Variants in NLRP7 observed in about 807,000 individuals in gnomAD.
The protein encoded by NLRP7 is NLR family pyrin domain containing 7, also known as NACHT, LRR and PYD domains-containing protein 7.
In NLRP7, 72 loss-of-function variants were observed where a neutral mutation model predicts 85.5. The ratio of observed to expected loss-of-function variants is 0.84; its 90% CI spans 0.70 to 1.02. The LOEUF (loss-of-function observed/expected upper bound fraction) is 1.02. Ranked by LOEUF, NLRP7 falls within the 50% of genes least tolerant of loss-of-function variation. NLRP7 has a pLI of 0.00. For synonymous variants in NLRP7, 550 were observed against 505.2 expected (o/e 1.09, Z -1.19); for missense variants, 1,243 against 1,219.5 (o/e 1.02, Z -0.29).
chr19:54,959,135 C>CTTTTCCTTTT (rs2069950152), intron 1 of NLRP7, among the ~76,000 whole-genome samples: 2 of 143,818 alleles, frequency 1.4e-5, no homozygotes, highest in Non-Finnish European at 1.5e-5. Flanking sequence ...TTGTTTTTTT[C>CTTTTCCTTTT]TTTTTCTTTT....
At chr19:54,941,851 G>A (rs2069244384) in intron 1 of NLRP7, 101 bp from the exon 2 acceptor site, 3 of 884,862 alleles carry the variant, frequency 3.4e-6, no homozygotes, top group African/African-American at 3.4e-5. Context: ...TGTACAGTGA[G>A]TGGTAAAATA....
At chr19:54,960,987 T>A (rs540988655) in intron 1 of NLRP7, among the ~76,000 whole-genome samples, 2 of 152,182 alleles carry the variant, frequency 1.3e-5, no homozygotes, top group South Asian at 4.2e-4. Context: ...AGGGCATTTT[T>A]AAAAATGCTA....
At chr19:54,935,227 GGA>G (rs200837728) in intron 6 of NLRP7, among the ~76,000 whole-genome samples, 104,804 of 147,412 alleles carry the variant, frequency 0.71, 38,897 homozygotes, top group Non-Finnish European at 0.84. Context: ...TTTGCAGGGG[GGA>G]AAAAAAAATT....
In NLRP7 at chr19:54,939,904, T is replaced by C. The variant is rs104895560; in HGVS notation, c.915A>G (p.Ala305=). 1.8e-5 allele frequency: 29 copies of C among 1,614,122 alleles called. No homozygotes were observed. The Middle Eastern group carries it at 4.9e-4, about 28-fold the overall frequency. ...GCGCCAGGAGCTGGAGGTCCCTCAG[T>C]GCCCTGGGCCGCGTGGTGACCAGCA... Residue 305 remains alanine (A), a synonymous_variant, in exon 4 of 10, where the codon GCA becomes GCG. Coordinates refer to ENST00000340844, the Ensembl canonical transcript of NLRP7.
rs751018799 is a variant in NLRP7 at position 54,939,021 on chromosome 19, T to C, written c.1798A>G (p.Asn600Asp). 26 of 1,614,210 alleles carry C rather than the reference T, an allele frequency of 1.6e-5. No individual in the cohort carries two copies. In the Admixed American group the frequency reaches 4.3e-4, roughly 27 times the overall value. ...GAACAATGCATCACTTCAGAAGTAT[T>C]TGTCAGGTGAATAGAAATTTCCTTG... The change falls in exon 4 of 10, where the codon AAT (asparagine) becomes GAT (aspartate). Residue 600 changes from asparagine (N) to aspartate (D), a missense_variant. Physicochemically the swap from Asn to Asp is conservative, Grantham distance 23. This residue lies in a region of NLRP7 where 613 missense variants were observed against 588.4 expected (regional missense o/e 1.04). Coordinates refer to ENST00000340844, the Ensembl canonical transcript of NLRP7.
intron 1 of NLRP7, among the ~76,000 whole-genome samples, chr19:54,962,260 A>C: frequency 7.0e-6 from 1 of 142,750 alleles, no homozygotes; most frequent in Non-Finnish European, 1.5e-5. Flanking sequence ...TATTCCCTCC[A>C]TCCCTCAATT....
At chr19:54,955,252 C>T (rs1037444010) in intron 1 of NLRP7, among the ~76,000 whole-genome samples, 1 of 151,318 alleles carries the variant, frequency 6.6e-6, no homozygotes, top group Non-Finnish European at 1.5e-5. Flanking sequence ...TCACTTGAAC[C>T]CGGGTGGCAG....
intron 4 of NLRP7, 63 bp downstream of exon 4, chr19:54,938,825 G>T: frequency 6.3e-7 from 1 of 1,576,078 alleles, no homozygotes; most frequent in Non-Finnish European, 8.7e-7. Flanking sequence ...GACAGTAAGC[G>T]ACAGGGCAAA....
intron 6 of NLRP7, among the ~76,000 whole-genome samples, chr19:54,935,601 C>CAGA (rs1556728030): frequency 7.9e-5 from 12 of 151,082 alleles, no homozygotes; most frequent in African/African-American, 2.9e-4. Flanking sequence ...GAAGCTGAGG[C>CAGA]AGAACTGCTT....
chr19:54,950,811 C>T (rs368725254), upstream of NLRP7, among the ~76,000 whole-genome samples: 1 of 152,146 alleles, frequency 6.6e-6, no homozygotes, highest in Non-Finnish European at 1.5e-5. Flanking sequence ...TTTACTAATC[C>T]GCCTCAGCAC....
upstream of NLRP7, among the ~76,000 whole-genome samples, chr19:54,951,543 C>T (rs2069668863): frequency 6.6e-6 from 1 of 151,858 alleles, no homozygotes; most frequent in Admixed American, 6.6e-5. Context: ...CAGAGTGAGA[C>T]TCCATCTCAA....
At chr19:54,946,688 G>A (rs1371120679) in intron 1 of NLRP7, among the ~76,000 whole-genome samples, 3 of 152,010 alleles carry the variant, frequency 2.0e-5, no homozygotes, top group Middle Eastern at 3.4e-3. Context: ...CTCCCAGGCT[G>A]GAGTGCAGTG....
At chr19:54,943,310 A>G (rs2069314714) in intron 1 of NLRP7, among the ~76,000 whole-genome samples, 1 of 149,964 alleles carries the variant, frequency 6.7e-6, no homozygotes, top group African/African-American at 2.5e-5. Context: ...CTCAAAAGTA[A>G]GTAACTAATG....
intron 1 of NLRP7, among the ~76,000 whole-genome samples, chr19:54,964,774 C>T (rs1008093430): frequency 1.4e-5 from 2 of 141,052 alleles, no homozygotes; most frequent in Non-Finnish European, 3.1e-5. Flanking sequence ...TGCGGGGAGC[C>T]GAGATCGTGC....
intron 8 of NLRP7, among the ~76,000 whole-genome samples, 192 bp from the exon 9 acceptor site, chr19:54,930,858 G>C (rs1039855593): frequency 4.0e-5 from 6 of 151,876 alleles, no homozygotes; most frequent in Non-Finnish European, 4.4e-5. Context: ...TGGGATTATA[G>C]GTGCCCGCCA....
intron 9 of NLRP7, among the ~76,000 whole-genome samples, chr19:54,925,217 A>C (rs1422835625): frequency 1.3e-5 from 2 of 152,260 alleles, no homozygotes; most frequent in Admixed American, 1.3e-4. Context: ...CATATGACAT[A>C]AGAGACCACA....
At chr19:54,936,479 T>C (rs1191425928) in intron 5 of NLRP7, 48 bp from the exon 6 acceptor site, 1 of 1,457,084 alleles carries the variant, frequency 6.9e-7, no homozygotes, top group South Asian at 1.1e-5. Flanking sequence ...AATACTCACA[T>C]TGTGTGGAGG....
rs368898734 is a variant in NLRP7, at chr19:54,924,891, C to T, written c.2811-1019G>A. On this transcript the variant is annotated intron_variant, in intron 9 of 9. Coordinates refer to ENST00000340844, the Ensembl canonical transcript of NLRP7. ...GGCAGATGTTGCAGTGAGCCAATAC[C>T]GCACCACTGTACTGCAGCCCGGGTG... 1.8e-4 allele frequency among the ~76,000 whole-genome samples: 28 copies of T among 152,174 alleles called. No homozygotes were observed. In the South Asian group the frequency reaches 4.8e-3, roughly 26 times the overall value.
At chr19:54,923,924 C>G (rs1440585773) in intron 9 of NLRP7, 52 bp from the exon 11 acceptor site, 3 of 1,590,754 alleles carry the variant, frequency 1.9e-6, no homozygotes, top group Non-Finnish European at 1.7e-6. Context: ...CTCAACTACC[C>G]AGGATGCCTG....
Sources: gnomAD v4.1 joint callset for allele counts (sites outside exome capture counted in the v4.1 genomes callset) on GRCh38, gnomAD v4.1.1 for gene constraint, gnomAD v4.1.1 regional missense constraint, MANE v1.5 for transcripts, NCBI Gene and HGNC (gene_info 2026-07-23, HGNC 2026-07-21) for gene names.